The following TMEM232 variants were observed in gnomAD, a reference collection of about 807,000 sequenced individuals.
TMEM232 encodes transmembrane protein 232.
A neutral mutation model predicts 78.8 loss-of-function variants in TMEM232; 80 were observed. The observed-to-expected ratio is 1.01, with a 90% CI of 0.85 to 1.22. The LOEUF (loss-of-function observed/expected upper bound fraction) is 1.22, where lower values mean the gene tolerates loss of function less well. TMEM232 is among the 50% of genes most tolerant of loss of function. The pLI is 0.00. For synonymous variants in TMEM232, 297 were observed against 254.3 expected, an observed-to-expected ratio of 1.17 and a Z score of -1.60; for missense variants, 881 against 742.2, an observed-to-expected ratio of 1.19 and a Z score of -2.17.
At chr5:110,413,546 T>C (rs1486031492) in intron 2 of TMEM232, among the ~76,000 whole-genome samples, 1 of 152,188 alleles carries the variant, frequency 6.6e-6, no homozygotes, top group Non-Finnish European at 1.5e-5. Flanking sequence ...TGACACAGGA[T>C]GGCTTCCCTT....
intron 5 of TMEM232, among the ~76,000 whole-genome samples, chr5:110,633,473 G>C (rs998444913): frequency 6.6e-6 from 1 of 152,122 alleles, no homozygotes; most frequent in African/African-American, 2.4e-5. Flanking sequence ...ATCTCAAATT[G>C]TAATCTCTAT....
At chr5:110,578,358 G>C (rs891204529) in intron 10 of TMEM232, among the ~76,000 whole-genome samples, 3 of 151,888 alleles carry the variant, frequency 2.0e-5, no homozygotes, top group African/African-American at 4.8e-5. Flanking sequence ...TTGTAAAAAA[G>C]AATATGAATA....
intron 1 of TMEM232, among the ~76,000 whole-genome samples, chr5:110,712,666 A>G (rs1796612252): frequency 6.6e-6 from 1 of 152,182 alleles, no homozygotes; most frequent in African/African-American, 2.4e-5. Context: ...TCTATGTATC[A>G]GAATATATAA....
At chr5:110,661,421 C>T (rs1320173437) in intron 2 of TMEM232, among the ~76,000 whole-genome samples, 2 of 152,072 alleles carry the variant, frequency 1.3e-5, no homozygotes, top group Admixed American at 6.6e-5. Context: ...AAGTAACCCC[C>T]CCCACCTCAT....
At chr5:110,399,133 GA>G (rs536042524) in intron 2 of TMEM232, among the ~76,000 whole-genome samples, 17 of 146,190 alleles carry the variant, frequency 1.2e-4, no homozygotes, top group African/African-American at 2.8e-4. Flanking sequence ...ATCTAAACTA[GA>G]AAAAAAAAAG....
intron 12 of TMEM232, among the ~76,000 whole-genome samples, chr5:110,499,076 A>AG (rs1181481316): frequency 1.3e-5 from 2 of 152,172 alleles, no homozygotes; most frequent in African/African-American, 4.8e-5. Flanking sequence ...ATGACCAAAA[A>AG]GGGGGGCAAT....
chr5:110,524,631 C>G (rs115665535), intron 12 of TMEM232, among the ~76,000 whole-genome samples: 1 of 152,038 alleles, frequency 6.6e-6, no homozygotes, highest in African/African-American at 2.4e-5. Context: ...GCTGTTGGGT[C>G]GAAGGAATAT....
At chr5:110,525,935 C>T (rs1274916992) in intron 12 of TMEM232, among the ~76,000 whole-genome samples, 1 of 139,946 alleles carries the variant, frequency 7.1e-6, no homozygotes, top group African/African-American at 2.7e-5. Context: ...CAATTAAAAT[C>T]AGGAAAATTG....
intron 1 of TMEM232, among the ~76,000 whole-genome samples, chr5:110,693,944 A>G (rs970780411): frequency 7.2e-5 from 11 of 152,146 alleles, no homozygotes; most frequent in African/African-American, 2.4e-4. Flanking sequence ...AATTCAGGAA[A>G]TACAGAGAAT....
At chr5:110,699,047 A>G (rs1795138412) in intron 1 of TMEM232, among the ~76,000 whole-genome samples, 1 of 146,812 alleles carries the variant, frequency 6.8e-6, no homozygotes, top group South Asian at 2.2e-4. Context: ...CAGAAGGACA[A>G]AAACAAACAA....
chr5:110,405,462 C>T (rs933638647), intron 2 of TMEM232, among the ~76,000 whole-genome samples: 85 of 150,956 alleles, frequency 5.6e-4, no homozygotes, highest in African/African-American at 1.9e-3. Context: ...TAGAAATTTC[C>T]GGGTATTAGA....
At chr5:110,563,939 T>C (rs184697638) in intron 11 of TMEM232, among the ~76,000 whole-genome samples, 1 of 151,970 alleles carries the variant, frequency 6.6e-6, no homozygotes, top group African/African-American at 2.4e-5. Flanking sequence ...TGTGTTTAGA[T>C]AGTACTCTTT....
At chr5:110,705,510 G>T (rs1795834656) in intron 1 of TMEM232, among the ~76,000 whole-genome samples, 1 of 151,930 alleles carries the variant, frequency 6.6e-6, no homozygotes, top group Admixed American at 6.6e-5. Flanking sequence ...ACTCAGCAAT[G>T]GGAAAAGGCA....
At chr5:110,454,892 T>C (rs2149342995) in intron 12 of TMEM232, among the ~76,000 whole-genome samples, 1 of 138,248 alleles carries the variant, frequency 7.2e-6, no homozygotes, top group South Asian at 2.6e-4. Context: ...GAAAACCAAA[T>C]CCTTGTTCTT....
intron 12 of TMEM232, among the ~76,000 whole-genome samples, chr5:110,511,224 C>A (rs1018839816): frequency 1.3e-5 from 2 of 152,010 alleles, no homozygotes; most frequent in Non-Finnish European, 2.9e-5. Context: ...TGTTCTCACT[C>A]GTAAGTGGGA....
rs62376089 is a variant in TMEM232, at chr5:110,611,554, T to C, written c.903-5267A>G. On this transcript the variant is annotated intron_variant, in intron 8 of 13. Coordinates refer to ENST00000455884, the MANE Select transcript of TMEM232 (RefSeq NM_001039763.4). ...CCTATCAGGCGTTTCTGGCTGTTGA[T>C]TGGCTGGTGGTAATTAATCCTACCA... Among the ~76,000 whole-genome samples the C allele has an allele frequency of 8.8e-3, 1,337 of 152,266 alleles. 17 individuals carry two copies. Among genetic ancestry groups the C allele is most frequent in the Non-Finnish European group, 0.015 (1,000 of 68,002 alleles).
chr5:110,627,633 A>T (rs1580415763), intron 6 of TMEM232, 148 bp downstream of exon 6: 1 of 509,542 alleles, frequency 2.0e-6, no homozygotes, highest in Non-Finnish European at 3.4e-6. Context: ...AACAAATGCA[A>T]TCTGGCCCTG....
intron 10 of TMEM232, among the ~76,000 whole-genome samples, chr5:110,577,947 G>T (rs1777758517): frequency 6.6e-6 from 1 of 151,794 alleles, no homozygotes; most frequent in Admixed American, 6.6e-5. Flanking sequence ...AGTGACCTGG[G>T]TGATAAAATA....
chr5:110,478,897 A>AT (rs746104997), intron 12 of TMEM232, among the ~76,000 whole-genome samples: 2,771 of 111,616 alleles, frequency 0.025, 55 homozygotes, highest in Non-Finnish European at 0.038. Flanking sequence ...GGAGAAATTG[A>AT]TTTTTTTTTT....
Sources: allele counts gnomAD v4.1 joint callset (sites outside exome capture counted in the v4.1 genomes callset), GRCh38; gene constraint gnomAD v4.1.1; transcripts MANE v1.5; gene names NCBI Gene and HGNC (gene_info 2026-07-23, HGNC 2026-07-21).